Variants in ENTREP2 observed in about 807,000 individuals in gnomAD.
The protein encoded by ENTREP2 is protein ENTREP2.
At chr15:29,148,090 G>A in the ENTREP2 span, among the ~76,000 whole-genome samples, 1 of 152,280 alleles carries the variant, frequency 6.6e-6, no homozygotes, top group East Asian at 1.9e-4. Context: ...TGCAGAACAG[G>A]CAAATCCATG....
chr15:29,641,831 CAAAAA>C, the ENTREP2 span, among the ~76,000 whole-genome samples: 1 of 78,628 alleles, frequency 1.3e-5, no homozygotes, highest in African/African-American at 3.8e-5. Flanking sequence ...GACTCTGTCT[CAAAAA>C]AAAAAAAAAA....
chr15:29,487,769 T>G, the ENTREP2 span, among the ~76,000 whole-genome samples: 9 of 152,350 alleles, frequency 5.9e-5, no homozygotes, highest in East Asian at 1.7e-3. Context: ...CTCAGCTCAC[T>G]GCAACCTCCA....
chr15:29,619,016 G>A, the ENTREP2 span, among the ~76,000 whole-genome samples: 1 of 152,228 alleles, frequency 6.6e-6, no homozygotes, highest in Admixed American at 6.5e-5. Context: ...CCAGTGCAGA[G>A]CCACCCGGCA....
chr15:29,269,755 G>A, the ENTREP2 span: 15 of 1,408,658 alleles, frequency 1.1e-5, no homozygotes, highest in Non-Finnish European at 1.4e-5. Flanking sequence ...AGCAGCCGCG[G>A]CGGGGATTGC....
At chr15:29,270,419 C>G in the ENTREP2 span, among the ~76,000 whole-genome samples, 1 of 152,154 alleles carries the variant, frequency 6.6e-6, no homozygotes, top group Admixed American at 6.5e-5. Context: ...TATGAGAAGA[C>G]CACAAAAAAC....
the ENTREP2 span, among the ~76,000 whole-genome samples, chr15:29,456,546 C>T: frequency 6.6e-6 from 1 of 152,204 alleles, no homozygotes; most frequent in African/African-American, 2.4e-5. Context: ...TGATTCTGAG[C>T]AGGGCACTAG....
chr15:29,579,779 C>T, the ENTREP2 span, among the ~76,000 whole-genome samples: 10 of 140,832 alleles, frequency 7.1e-5, 1 homozygote, highest in South Asian at 1.6e-3. Context: ...GGCGCGATCT[C>T]GGCTCACTGC....
At chr15:29,233,753 G>A in the ENTREP2 span, 2 of 1,498,926 alleles carry the variant, frequency 1.3e-6, no homozygotes, top group Admixed American at 1.7e-5. Context: ...CACAGAAGAA[G>A]GTGAATCAGT....
chr15:29,620,524 G>C, the ENTREP2 span, among the ~76,000 whole-genome samples: 1 of 152,106 alleles, frequency 6.6e-6, no homozygotes, highest in Non-Finnish European at 1.5e-5. Context: ...TATAGTCCCA[G>C]CTACTTGGGA....
the ENTREP2 span, among the ~76,000 whole-genome samples, chr15:29,650,055 T>G: frequency 6.6e-6 from 1 of 152,142 alleles, no homozygotes. Context: ...TTTTAAACAC[T>G]TGAAAATGGG....
the ENTREP2 span, among the ~76,000 whole-genome samples, chr15:29,344,904 G>A: frequency 1.3e-5 from 2 of 150,326 alleles, no homozygotes; most frequent in African/African-American, 5.0e-5. Context: ...AGGAGTCTGT[G>A]TTTTGGATTA....
the ENTREP2 span, among the ~76,000 whole-genome samples, chr15:29,653,321 T>C: frequency 6.6e-6 from 1 of 152,224 alleles, no homozygotes; most frequent in East Asian, 1.9e-4. Flanking sequence ...TTTTTCTTCT[T>C]GTTTCTTGCT....
the ENTREP2 span, among the ~76,000 whole-genome samples, chr15:29,130,194 A>T: frequency 1.3e-5 from 2 of 152,126 alleles, no homozygotes; most frequent in African/African-American, 4.8e-5. Flanking sequence ...GAAGACGGAG[A>T]GCTGCCCAAG....
the ENTREP2 span, among the ~76,000 whole-genome samples, chr15:29,622,722 A>G: frequency 6.6e-6 from 1 of 152,130 alleles, no homozygotes; most frequent in East Asian, 1.9e-4. Context: ...TTCTGTGAAA[A>G]GGAAAATGGA....
the ENTREP2 span, among the ~76,000 whole-genome samples, chr15:29,647,769 G>C: frequency 1.3e-5 from 2 of 151,980 alleles, no homozygotes; most frequent in Non-Finnish European, 2.9e-5. Context: ...ACCCTCCAGA[G>C]GACTCAATCC....
chr15:29,577,313 G>GGTGTGTGTGTGT, the ENTREP2 span, among the ~76,000 whole-genome samples: 7,326 of 139,718 alleles, frequency 0.052, 231 homozygotes, highest in Middle Eastern at 0.077. Context: ...GACTCAAAGA[G>GGTGTGTGTGTGT]GTGTGTGTGT....
chr15:29,577,252 A>C, the ENTREP2 span, among the ~76,000 whole-genome samples: 33 of 152,198 alleles, frequency 2.2e-4, no homozygotes, highest in African/African-American at 7.2e-4. Flanking sequence ...CCCTCAAAAA[A>C]ATCAAACAAA....
At chr15:29,640,544 C>T in the ENTREP2 span, among the ~76,000 whole-genome samples, 1 of 151,898 alleles carries the variant, frequency 6.6e-6, no homozygotes, top group Admixed American at 6.6e-5. Context: ...TGCCTGTAGA[C>T]CCAGCTACTC....
At chr15:29,314,641 T>C in the ENTREP2 span, among the ~76,000 whole-genome samples, 1 of 152,250 alleles carries the variant, frequency 6.6e-6, no homozygotes, top group African/African-American at 2.4e-5. Flanking sequence ...GGTGACTTGC[T>C]TTATTGTGAT....
Sources: allele counts gnomAD v4.1 joint callset (sites outside exome capture counted in the v4.1 genomes callset), GRCh38; gene constraint gnomAD v4.1.1; transcripts MANE v1.5; gene names NCBI Gene and HGNC (gene_info 2026-07-23, HGNC 2026-07-21).